The following FYB2 variants were observed in gnomAD, a reference collection of about 807,000 sequenced individuals.
The protein encoded by FYB2 is FYN-binding protein 2.
In FYB2, 103 loss-of-function variants were observed where a neutral mutation model predicts 94.1. The observed-to-expected ratio is 1.09, with a 90% CI of 0.93 to 1.29. The LOEUF (loss-of-function observed/expected upper bound fraction) is 1.29, where lower values mean the gene tolerates loss of function less well. FYB2 is among the 50% of genes most tolerant of loss of function. The pLI is 0.00. For missense variants in FYB2, 896 were observed against 841.5 expected (o/e 1.06, Z -0.80); for synonymous variants, 293 against 287.9 (o/e 1.02, Z -0.18).
chr1:56,809,812 C>T (rs1204720085), intron 1 of FYB2, among the ~76,000 whole-genome samples: 1 of 152,120 alleles, frequency 6.6e-6, no homozygotes, highest in Non-Finnish European at 1.5e-5. Context: ...AAGGTGAAAT[C>T]CTACCTCTCC....
At chr1:56,799,217 G>A (rs1029087779) in intron 1 of FYB2, among the ~76,000 whole-genome samples, 9 of 152,144 alleles carry the variant, frequency 5.9e-5, no homozygotes, top group Non-Finnish European at 2.9e-5. Flanking sequence ...ATCCAAGTCT[G>A]TGTAACTCCA....
rs1250507358 is a variant in FYB2 at position 56,719,413 on chromosome 1, T to TA, written c.*257dup. The TA allele has an allele frequency of 4.8e-6, 2 of 414,670 alleles. No homozygotes were observed. Among genetic ancestry groups the TA allele is most frequent in the Admixed American group, 4.0e-5 (1 of 24,750 alleles). The allele number at this position is 414,670 out of a possible 1,614,324, so 25.7% of individuals were successfully genotyped here. A position where few individuals can be genotyped will look rare whatever the true frequency, so the allele number is the denominator to read the frequency against. ...AAATAAGTGCTCAAATGCTAACACA[T>TA]ACTGTTTCACATTCTCTTGAACTGA... On this transcript the variant is annotated 3_prime_UTR_variant, in exon 20 of 20. Transcript: ENST00000343433.
intron 4 of FYB2, among the ~76,000 whole-genome samples, chr1:56,782,306 T>G (rs1646027282): frequency 6.6e-6 from 1 of 152,184 alleles, no homozygotes; most frequent in Non-Finnish European, 1.5e-5. Context: ...CTCATTATTA[T>G]CCTAATACTC....
At chr1:56,743,976 G>A in intron 11 of FYB2, 50 bp downstream of exon 11, 3 of 1,556,756 alleles carry the variant, frequency 1.9e-6, no homozygotes, top group Non-Finnish European at 2.6e-6. Context: ...AGCCATAGAA[G>A]CATTCTGCAA....
chr1:56,808,826 C>T (rs183999519), intron 1 of FYB2, among the ~76,000 whole-genome samples: 1 of 152,302 alleles, frequency 6.6e-6, no homozygotes, highest in Admixed American at 6.5e-5. Context: ...TGGTTTACAG[C>T]AGAGATTTCA....
At chr1:56,815,901 AC>A in intron 1 of FYB2, among the ~76,000 whole-genome samples, 1 of 152,244 alleles carries the variant, frequency 6.6e-6, no homozygotes, top group South Asian at 2.1e-4. Context: ...CTAAGTGAAA[AC>A]CTACCTGGCT....
chr1:56,790,171 A>G (rs1646228433), intron 2 of FYB2, among the ~76,000 whole-genome samples: 2 of 152,194 alleles, frequency 1.3e-5, no homozygotes, highest in South Asian at 4.1e-4. Context: ...TGGGCCATTC[A>G]TGTGAAAACT....
In FYB2 at chr1:56,751,132, C is replaced by T. The variant is rs1371442794; in HGVS notation, c.1299G>A (p.Leu433=). ...CAATCATGGCCTCTTGCTTTCCAGCCAACATGTTCCTTCTACCTGTGTGGA... is the reference window on the plus strand; with the variant it reads ...CAATCATGGCCTCTTGCTTTCCAGCTAACATGTTCCTTCTACCTGTGTGGA... ...TNVHTGRRNM[L]AGKQEAMIDI... is the part of the protein sequence containing the mutation. The change falls in exon 9 of 20, where the codon TTG becomes TTA. Residue 433 remains leucine (L), a synonymous_variant. Transcript: ENST00000343433. 2.5e-6 allele frequency: 4 copies of T among 1,612,816 alleles called. No homozygotes were observed. The South Asian group carries it at 3.3e-5, about 13-fold the overall frequency.
chr1:56,812,904 C>CA (rs926111685), intron 1 of FYB2, among the ~76,000 whole-genome samples: 1 of 152,184 alleles, frequency 6.6e-6, no homozygotes, highest in African/African-American at 2.4e-5. Flanking sequence ...ATTGTCACAG[C>CA]AAGTACCACA....
chr1:56,822,435 T>A (rs1427056706), upstream of FYB2, among the ~76,000 whole-genome samples: 1 of 152,234 alleles, frequency 6.6e-6, no homozygotes, highest in Non-Finnish European at 1.5e-5. Flanking sequence ...AGCAGATACT[T>A]AGGCTGAAGT....
intron 4 of FYB2, among the ~76,000 whole-genome samples, chr1:56,772,310 G>A (rs1395788589): frequency 1.3e-5 from 2 of 152,088 alleles, no homozygotes; most frequent in African/African-American, 2.4e-5. Context: ...TTTTACCAAA[G>A]TTTCCAAAAA....
intron 12 of FYB2, among the ~76,000 whole-genome samples, chr1:56,741,889 T>A (rs936224909): frequency 6.6e-6 from 1 of 152,100 alleles, no homozygotes; most frequent in African/African-American, 2.4e-5. Context: ...TCATTTACTC[T>A]GGGAAATGGG....
intron 2 of FYB2, among the ~76,000 whole-genome samples, chr1:56,791,669 G>A (rs957597230): frequency 1.3e-5 from 2 of 152,174 alleles, no homozygotes; most frequent in Non-Finnish European, 2.9e-5. Flanking sequence ...ATAGAGCATG[G>A]CTCGTAAGTT....
intron 13 of FYB2, among the ~76,000 whole-genome samples, chr1:56,738,942 C>T (rs1028504029): frequency 6.6e-6 from 1 of 152,040 alleles, no homozygotes; most frequent in African/African-American, 2.4e-5. Context: ...AAAACTAGAA[C>T]TTTGAGAACA....
chr1:56,768,550 G>A lies in FYB2; in HGVS notation c.954-612C>T, dbSNP rs561337068. 2.0e-5 allele frequency among the ~76,000 whole-genome samples: 3 copies of A among 152,216 alleles called. 1 individual carries two copies. The South Asian group carries it at 6.2e-4, about 32-fold the overall frequency. On this transcript the variant is annotated intron_variant, in intron 4 of 19. Transcript: ENST00000343433. The stretch of plus-strand genomic sequence containing the variant: ...AACCCAGCACCAAATACAGAGGTGG[G>A]GTTTAATAAACAATCTGCTCATTTC...
intron 15 of FYB2, among the ~76,000 whole-genome samples, chr1:56,730,069 A>T (rs1644671839): frequency 1.3e-5 from 2 of 152,042 alleles, no homozygotes. Flanking sequence ...AAATGCCTAC[A>T]TCAAAAACTA....
At chr1:56,736,013 AC>A (rs1034310400) in intron 15 of FYB2, among the ~76,000 whole-genome samples, 24 of 152,266 alleles carry the variant, frequency 1.6e-4, no homozygotes, top group Admixed American at 9.8e-4. Flanking sequence ...TATGCTAATT[AC>A]CTTTATCTTA....
chr1:56,767,758 G>C (rs1645658110), intron 5 of FYB2, 71 bp downstream of exon 5: 3 of 1,186,918 alleles, frequency 2.5e-6, no homozygotes, highest in Admixed American at 4.2e-5. Context: ...GTTAGCTAAA[G>C]GGAAAATATC....
intron 4 of FYB2, among the ~76,000 whole-genome samples, chr1:56,773,262 C>G (rs1008433198): frequency 6.6e-6 from 1 of 152,136 alleles, no homozygotes; most frequent in Non-Finnish European, 1.5e-5. Flanking sequence ...GAAAGGTCCC[C>G]GCAGAATCCC....
Sources: allele counts gnomAD v4.1 joint callset (sites outside exome capture counted in the v4.1 genomes callset), GRCh38; gene constraint gnomAD v4.1.1; transcripts MANE v1.5; gene names NCBI Gene and HGNC (gene_info 2026-07-23, HGNC 2026-07-21).